The following APCDD1L variants were observed in gnomAD, a reference collection of about 807,000 sequenced individuals.
APCDD1L encodes the protein protein APCDD1-like.
Under a neutral mutation model 24.2 loss-of-function variants are expected in APCDD1L, and 21 were observed. The ratio of observed to expected loss-of-function variants is 0.87; its 90% CI spans 0.61 to 1.25. APCDD1L has a LOEUF of 1.25. APCDD1L is among the 50% of genes most tolerant of loss of function. The pLI is 0.00. For synonymous variants in APCDD1L, 321 were observed against 323.6 expected (o/e 0.99, Z 0.09); for missense variants, 704 against 711.7 (o/e 0.99, Z 0.12).
At chr20:58,483,861 C>A (rs1265552644) in intron 1 of APCDD1L, among the ~76,000 whole-genome samples, 3 of 152,076 alleles carry the variant, frequency 2.0e-5, no homozygotes, top group Non-Finnish European at 4.4e-5. Context: ...GCTCCTCAGC[C>A]TGGAACATGG....
At chr20:58,495,415 G>C (rs1036805175) in intron 1 of APCDD1L, among the ~76,000 whole-genome samples, 2 of 152,178 alleles carry the variant, frequency 1.3e-5, no homozygotes, top group African/African-American at 4.8e-5. Context: ...CTTATCAAAC[G>C]CTGCAGGGCT....
intron 1 of APCDD1L, among the ~76,000 whole-genome samples, chr20:58,501,284 T>G (rs942278251): frequency 1.4e-4 from 21 of 152,186 alleles, no homozygotes; most frequent in African/African-American, 5.1e-4. Context: ...CCCCTGTACC[T>G]CAGAGCATGA....
chr20:58,514,568 A>C (rs1990701917), intron 1 of APCDD1L, 91 bp downstream of exon 1: 1 of 1,181,486 alleles, frequency 8.5e-7, no homozygotes, highest in Non-Finnish European at 1.1e-6. Flanking sequence ...CCAGGGCCGT[A>C]GTCCCCAAGG....
chr20:58,496,860 T>C (rs1164832832), intron 1 of APCDD1L, among the ~76,000 whole-genome samples: 1 of 151,980 alleles, frequency 6.6e-6, no homozygotes, highest in East Asian at 1.9e-4. Flanking sequence ...CCAGGGTGGG[T>C]GAGGCCTGAG....
Position 58,460,289 on chromosome 20 carries a change from G to A in APCDD1L, c.*501C>T, listed in dbSNP as rs73296857. On this transcript the variant is annotated 3_prime_UTR_variant, in exon 4 of 4. Coordinates refer to ENST00000371149, the MANE Select transcript of APCDD1L (RefSeq NM_153360.3). The surrounding 1 kb of genome is among the most constrained non-coding windows in gnomAD (Gnocchi z 4.2). ...TAATTCATGGCACCACTTAGAGATC[G>A]TATTGCTAAATTCGAATTAATAATC... 0.011 allele frequency: 1,713 copies of A among 152,886 alleles called. 37 individuals carry two copies. The highest frequency in any genetic ancestry group is 0.037 in the African/African-American group (1,539 of 41,590). The allele number at this position is 152,886 out of a possible 1,614,324, so 9.5% of individuals were successfully genotyped here.
intron 1 of APCDD1L, among the ~76,000 whole-genome samples, chr20:58,474,164 C>T (rs1989865298): frequency 6.6e-6 from 1 of 152,254 alleles, no homozygotes; most frequent in Non-Finnish European, 1.5e-5. Flanking sequence ...GGTGCTTCAT[C>T]TGCATCATGA....
intron 1 of APCDD1L, among the ~76,000 whole-genome samples, chr20:58,489,041 T>C (rs568313793): frequency 3.2e-4 from 49 of 152,228 alleles, no homozygotes; most frequent in Non-Finnish European, 5.9e-4. Flanking sequence ...ATTAATACTA[T>C]TGAGAATGAA....
At chr20:58,468,882 A>G (rs913727137) in intron 2 of APCDD1L, among the ~76,000 whole-genome samples, 5 of 151,982 alleles carry the variant, frequency 3.3e-5, no homozygotes, top group Non-Finnish European at 7.4e-5. Flanking sequence ...ATTTTTTTGT[A>G]CCAGGGCTGT....
chr20:58,506,859 G>A (rs1237988284), intron 1 of APCDD1L, among the ~76,000 whole-genome samples: 6 of 152,176 alleles, frequency 3.9e-5, no homozygotes, highest in Non-Finnish European at 8.8e-5. Flanking sequence ...TGCTTTCAAA[G>A]GCATCAGGGC....
At chr20:58,465,215 C>T (rs1989684752) in intron 3 of APCDD1L, among the ~76,000 whole-genome samples, 1 of 152,190 alleles carries the variant, frequency 6.6e-6, no homozygotes, top group South Asian at 2.1e-4. Flanking sequence ...GCCTAGAACA[C>T]TGGTTGCCAA....
intron 1 of APCDD1L, among the ~76,000 whole-genome samples, chr20:58,481,540 T>A (rs1015198071): frequency 2.0e-4 from 30 of 152,100 alleles, no homozygotes; most frequent in African/African-American, 7.2e-4. Flanking sequence ...GAGAGAGGGA[T>A]GGAGGATGGT....
At chr20:58,475,625 T>C (rs1414990489) in intron 1 of APCDD1L, among the ~76,000 whole-genome samples, 1 of 152,100 alleles carries the variant, frequency 6.6e-6, no homozygotes, top group East Asian at 1.9e-4. Context: ...GGTGAACTCG[T>C]CACCTCACCT....
At position 58,467,034 on chromosome 20, in the gene APCDD1L, C is replaced by A; in HGVS notation, c.741+72G>T. On this transcript the variant is annotated intron_variant, in intron 3 of 3. Transcript: ENST00000371149. This position sits in a 1 kb window ranked among gnomAD's most constrained non-coding sequence, Gnocchi z 5.9. The stretch of plus-strand genomic sequence containing the variant: ...GGCAGGCCCAGGTCTTGCAAAGCTG[C>A]GGGGCTGGGTTCCGAGCTCGCCTCC... The A allele has an allele frequency of 6.6e-7, 1 of 1,505,680 alleles. No homozygotes were observed. 93.3% of individuals were successfully genotyped at this position (1,505,680 alleles called of 1,614,324 possible).
intron 1 of APCDD1L, among the ~76,000 whole-genome samples, chr20:58,477,360 T>C (rs1989929901): frequency 6.6e-6 from 1 of 152,246 alleles, no homozygotes; most frequent in African/African-American, 2.4e-5. Context: ...ACTTTGACAC[T>C]TTTGAAGAGT....
At position 58,494,378 on chromosome 20, in the gene APCDD1L, C is replaced by T. The variant is rs1451775996; in HGVS notation, c.49+20281G>A. Among the ~76,000 whole-genome samples, 2 of 151,860 alleles carry T rather than the reference C, an allele frequency of 1.3e-5. No individual in the cohort carries two copies. Among genetic ancestry groups the T allele is most frequent in the East Asian group, 1.9e-4 (1 of 5,190 alleles). ...CTTGAGTCAGGGTTTCATTCTGTCG[C>T]ATAGGCTAGAGTACAATGGGATCGG... On this transcript the variant is annotated intron_variant, in intron 1 of 3. Coordinates refer to ENST00000371149, the MANE Select transcript of APCDD1L (RefSeq NM_153360.3). The surrounding 1 kb of genome is among the most constrained non-coding windows in gnomAD (Gnocchi z 4.8).
At chr20:58,473,046 T>C (rs935408784) in intron 1 of APCDD1L, among the ~76,000 whole-genome samples, 4 of 152,108 alleles carry the variant, frequency 2.6e-5, no homozygotes, top group African/African-American at 9.7e-5. Flanking sequence ...CCAAAAGTGT[T>C]GATTTGGGGG....
intron 1 of APCDD1L, among the ~76,000 whole-genome samples, chr20:58,492,725 A>G (rs1157142695): frequency 6.6e-6 from 1 of 152,286 alleles, no homozygotes. Flanking sequence ...ACGCCTGTGC[A>G]TACGCATGCA....
In APCDD1L at chr20:58,459,920, T is replaced by C. The variant is rs1266741780; in HGVS notation, c.*870A>G. 2.0e-5 allele frequency: 3 copies of C among 152,802 alleles called. No individual in the cohort carries two copies. Among genetic ancestry groups the C allele is most frequent in the Admixed American group, 2.0e-4 (3 of 15,310 alleles). The allele number at this position is 152,802 out of a possible 1,614,324, so 9.5% of individuals were successfully genotyped here. ...TTACGGCTGTCATTACTATTAACTA[T>C]GTTCAGAAGGCTGGAAATGCTGCTC... On this transcript the variant is annotated 3_prime_UTR_variant, in exon 4 of 4. Coordinates refer to ENST00000371149, the MANE Select transcript of APCDD1L (RefSeq NM_153360.3).
Position 58,473,569 on chromosome 20 carries a change from T to G in APCDD1L, c.50-2822A>C, listed in dbSNP as rs748175573. On this transcript the variant is annotated intron_variant, in intron 1 of 3. Coordinates refer to ENST00000371149, the MANE Select transcript of APCDD1L (RefSeq NM_153360.3). ...TCCATGACATTTTCTCCAACATAGC[T>G]CTTGGGGTAGATGTTGGATTTTCTT... Among the ~76,000 whole-genome samples the G allele has an allele frequency of 8.1e-5, 12 of 148,804 alleles. 1 individual carries two copies. In the East Asian group the frequency reaches 2.4e-3, roughly 30 times the overall value.
Sources: allele counts gnomAD v4.1 joint callset (sites outside exome capture counted in the v4.1 genomes callset), GRCh38; gene constraint gnomAD v4.1.1; non-coding constraint Gnocchi (gnomAD v3.1); transcripts MANE v1.5; gene names NCBI Gene and HGNC (gene_info 2026-07-23, HGNC 2026-07-21).